GTPBP6: variants seen among roughly 807,000 people sequenced by gnomAD.
GTPBP6 encodes the protein putative GTP-binding protein 6.
Under a neutral mutation model 28.9 loss-of-function variants are expected in GTPBP6, and 33 were observed. The ratio of observed to expected loss-of-function variants is 1.14; its 90% CI spans 0.87 to 1.53. The LOEUF (loss-of-function observed/expected upper bound fraction) is 1.53. Among genes scored for constraint, GTPBP6 ranks in the 40% most tolerant of loss-of-function variants. The probability of loss-of-function intolerance (pLI) is 0.00; values close to 1 mark genes in which losing one functional copy is unlikely to be tolerated. For missense variants in GTPBP6, 507 were observed against 408.3 expected (o/e 1.24, Z -2.08); for synonymous variants, 231 against 192.7 (o/e 1.20, Z -1.65).
At chrX:314,522 G>C (rs762065197) in intron 4 of GTPBP6, among the ~76,000 whole-genome samples, 192 of 151,920 alleles carry the variant, frequency 1.3e-3, no homozygotes, top group African/African-American at 4.5e-3. Flanking sequence ...ACCCAGGCTG[G>C]AGTGCAGTGG....
chrX:316,500 C>T (rs1383353727), intron 2 of GTPBP6, among the ~76,000 whole-genome samples: 1 of 152,140 alleles, frequency 6.6e-6, no homozygotes, highest in Non-Finnish European at 1.5e-5. Flanking sequence ...CTACTGGAAG[C>T]GGGATGGTCA....
Position 308,921 on chromosome X carries a change from G to C in GTPBP6, c.1126-1041C>G, listed in dbSNP as rs753389039. Among the ~76,000 whole-genome samples the C allele has an allele frequency of 5.4e-3, 814 of 151,816 alleles. 5 individuals carry two copies. Among genetic ancestry groups the C allele is most frequent in the Middle Eastern group, 0.01 (3 of 290 alleles). On this transcript the variant is annotated intron_variant, in intron 7 of 9. Coordinates refer to ENST00000326153, the Ensembl canonical transcript of GTPBP6. The stretch of plus-strand genomic sequence containing the variant: ...TGGCTAATTTTTTATATTTTTAGTA[G>C]AGACGGGATTTCGCCGTGGTCTCGA...
At chrX:312,631 C>G (rs779201050) in intron 6 of GTPBP6, 135 bp downstream of exon 6, 24 of 922,316 alleles carry the variant, frequency 2.6e-5, no homozygotes, top group Middle Eastern at 4.5e-4. Flanking sequence ...TGGGAACCCC[C>G]TCTCCTGGGC....
Position 312,926 on chromosome X carries a change from T to C in GTPBP6, c.758-2A>G, listed in dbSNP as rs752139305. Reference sequence around the variant, plus strand: ...GCTGCAGCTGCATGAAGGATTCTCCTAAAAGACACCCGAGATGGTGAGGCG... The same window carrying C: ...GCTGCAGCTGCATGAAGGATTCTCCCAAAAGACACCCGAGATGGTGAGGCG... On this transcript the variant is annotated splice_acceptor_variant, in intron 5 of 9. Transcript: ENST00000326153. LOFTEE classifies it high-confidence loss of function. 1.9e-6 allele frequency: 3 copies of C among 1,609,372 alleles called. No homozygotes were observed. The highest frequency in any genetic ancestry group is 2.5e-6 in the Non-Finnish European group (3 of 1,177,350).
intron 9 of GTPBP6, 76 bp from the exon 10 acceptor site, chrX:305,273 G>T: frequency 2.6e-6 from 3 of 1,132,508 alleles, no homozygotes; most frequent in Non-Finnish European, 2.7e-6. Flanking sequence ...AAATAATTAC[G>T]CTAAAAAGAG....
chrX:312,432 G>T (rs1445892280), intron 6 of GTPBP6: 2 of 549,622 alleles, frequency 3.6e-6, no homozygotes, highest in Non-Finnish European at 7.0e-6. Context: ...GGGCAGTGGG[G>T]ATGGTCTAGA....
At chrX:314,154 C>T (rs2070378427) in exon 5 of GTPBP6, 1 of 1,611,458 alleles carries the variant, frequency 6.2e-7, no homozygotes, top group Non-Finnish European at 8.5e-7. Context: ...AGTTACCTGA[C>T]CCCATGATGT....
At chrX:308,798 G>A (rs1231934823) in intron 7 of GTPBP6, among the ~76,000 whole-genome samples, 4 of 145,734 alleles carry the variant, frequency 2.7e-5, no homozygotes, top group Admixed American at 2.1e-4. Flanking sequence ...GCAGTGGCGC[G>A]ATCTCAGCTC....
Position 311,196 on chromosome X carries a change from T to TGGG in GTPBP6, c.1125+222_1125+223insCCC, listed in dbSNP as rs1424180324. The stretch of plus-strand genomic sequence containing the variant: ...GTTCCGGCCCCGAGTTGGGTGGGTG[T>TGGG]CTGAGGGCCCGGCCCCTGGCTTTGT... On this transcript the variant is annotated intron_variant, in intron 7 of 9. Transcript: ENST00000326153. Among the ~76,000 whole-genome samples the TGGG allele has an allele frequency of 5.0e-4, 73 of 146,954 alleles. 1 individual carries two copies. Among genetic ancestry groups the TGGG allele is most frequent in the African/African-American group, 1.7e-3 (68 of 39,058 alleles).
At chrX:317,722 CCCCA>C (rs2070465702) in intron 1 of GTPBP6, among the ~76,000 whole-genome samples, 2 of 134,270 alleles carry the variant, frequency 1.5e-5, no homozygotes, top group Admixed American at 7.5e-5. Flanking sequence ...CCCCACCCCA[CCCCA>C]CCCCACGGAC....
In GTPBP6 at chrX:307,651, C is replaced by T. The variant is rs746608253; in HGVS notation, c.1274+81G>A. 38 of 1,426,284 alleles carry T rather than the reference C, an allele frequency of 2.7e-5. No individual in the cohort carries two copies. In the African/African-American group the frequency reaches 4.1e-4, roughly 16 times the overall value. The allele number at this position is 1,426,284 out of a possible 1,614,324, so 88.4% of individuals were successfully genotyped here. A position where few individuals can be genotyped will look rare whatever the true frequency, so the allele number is the denominator to read the frequency against. ...CTGACTGCCACCGCTGCGGTTCACACGAGGAGACGGGGCATCTCCCCACCC... is the reference window on the plus strand; with the variant it reads ...CTGACTGCCACCGCTGCGGTTCACATGAGGAGACGGGGCATCTCCCCACCC... On this transcript the variant is annotated intron_variant, in intron 8 of 9. Coordinates refer to ENST00000326153, the Ensembl canonical transcript of GTPBP6.
intron 1 of GTPBP6, among the ~76,000 whole-genome samples, chrX:318,184 C>T (rs1254689020): frequency 5.9e-5 from 9 of 151,382 alleles, no homozygotes; most frequent in Non-Finnish European, 1.3e-4. Flanking sequence ...AGAGCCCCGC[C>T]CTTGCATCGC....
chrX:307,800 G>A, exon 8 of GTPBP6: 4 of 1,550,050 alleles, frequency 2.6e-6, no homozygotes, highest in Non-Finnish European at 2.6e-6. Context: ...GCAGCTGCAG[G>A]CCACGCAGCG....
intron 2 of GTPBP6, among the ~76,000 whole-genome samples, chrX:316,181 C>CACAG (rs2070435815): frequency 3.3e-5 from 3 of 91,614 alleles, no homozygotes; most frequent in African/African-American, 4.5e-5. Flanking sequence ...GACACACACA[C>CACAG]AGACACATAC....
intron 4 of GTPBP6, 129 bp from the exon 5 acceptor site, chrX:314,346 C>G: frequency 2.6e-6 from 2 of 775,068 alleles, no homozygotes. Context: ...GTTGCGGCCC[C>G]GCTCCGCGTG....
chrX:315,480 G>T (rs1435436866), intron 2 of GTPBP6, among the ~76,000 whole-genome samples, 181 bp from the exon 3 acceptor site: 1 of 151,074 alleles, frequency 6.6e-6, no homozygotes, highest in South Asian at 2.1e-4. Flanking sequence ...GTCTCTAGGA[G>T]TGTGTGTCTC....
chrX:307,473 G>T (rs757381821), exon 9 of GTPBP6: 1 of 1,611,294 alleles, frequency 6.2e-7, no homozygotes, highest in Non-Finnish European at 8.5e-7. Flanking sequence ...GGCCCCGCAG[G>T]GCAGACACGG....
intron 7 of GTPBP6, among the ~76,000 whole-genome samples, chrX:310,810 T>C (rs1298531427): frequency 6.6e-6 from 1 of 151,762 alleles, no homozygotes; most frequent in Non-Finnish European, 1.5e-5. Flanking sequence ...TGGCCCCCAT[T>C]TGTGGCCCCT....
intron 5 of GTPBP6, among the ~76,000 whole-genome samples, chrX:313,644 A>G (rs1258968923): frequency 1.3e-5 from 2 of 152,254 alleles, no homozygotes; most frequent in East Asian, 3.9e-4. Flanking sequence ...CCATAAATGC[A>G]ATGACATGTG....
Sources: allele counts gnomAD v4.1 joint callset (sites outside exome capture counted in the v4.1 genomes callset), GRCh38; gene constraint gnomAD v4.1.1; transcripts MANE v1.5; gene names NCBI Gene and HGNC (gene_info 2026-07-23, HGNC 2026-07-21).